The following PLCXD1 variants were observed in gnomAD, a reference collection of about 807,000 sequenced individuals.
PLCXD1 encodes phosphatidylinositol specific phospholipase C X domain containing 1.
PLCXD1 carries 45 observed loss-of-function variants against 37.8 expected under a neutral mutation model. That is an observed-to-expected ratio of 1.19 (90% confidence interval 0.94 to 1.53). The LOEUF (loss-of-function observed/expected upper bound fraction) is 1.53. Among genes scored for constraint, PLCXD1 ranks in the 40% most tolerant of loss-of-function variants. The pLI, the probability that PLCXD1 is intolerant of heterozygous loss-of-function variation, is 0.00. For missense variants in PLCXD1, 539 were observed against 454.7 expected, an observed-to-expected ratio of 1.19 and a Z score of -1.69; for synonymous variants, 246 against 206.9, an observed-to-expected ratio of 1.19 and a Z score of -1.62.
chrX:288,782 G>T lies in PLCXD1; in HGVS notation c.177G>T (p.Ser59=). 1 of 1,613,760 alleles carries T rather than the reference G, an allele frequency of 6.2e-7. No individual in the cohort carries two copies. Among genetic ancestry groups the T allele is most frequent in the Non-Finnish European group, 8.5e-7 (1 of 1,179,680 alleles). Residue 59 remains serine (S), a synonymous_variant, in exon 3 of 7, where the codon TCG becomes TCT. Coordinates refer to ENST00000381657, the MANE Select transcript of PLCXD1 (RefSeq NM_018390.4). ...GCCTGAACAAGAAGTCCCCCATTTC[G>T]CACGAGGAGTCCCGGCTGCTGCAGC... The part of the protein sequence containing the change: ...TYCLNKKSPI[S]HEESRLLQLL...
At chrX:288,708 G>A in intron 2 of PLCXD1, 25 bp from the exon 3 acceptor site, 1 of 1,613,396 alleles carries the variant, frequency 6.2e-7, no homozygotes. Flanking sequence ...GTGGTGACAT[G>A]TCCGCGTGTG....
chrX:285,578 CAT>C (rs1295016432), intron 2 of PLCXD1, among the ~76,000 whole-genome samples: 20 of 152,222 alleles, frequency 1.3e-4, no homozygotes, highest in South Asian at 4.1e-4. Context: ...CACCTATTCA[CAT>C]AGACATACAT....
In PLCXD1 at chrX:290,718, A is replaced by G; in HGVS notation, c.335A>G (p.Glu112Gly). ...GACCTGCGGATAGCCCACATGCTGG[A>G]GGGCTCGGAGAAGAACCTGCACTTT... is the stretch of plus-strand genomic sequence containing the variant. ...YLDLRIAHML[E>G]GSEKNLHFVH... Residue 112 changes from glutamate (E) to glycine (G), a missense_variant, in exon 4 of 7, where the codon GAG (glutamate) becomes GGG (glycine). Coordinates refer to ENST00000381657, the MANE Select transcript of PLCXD1 (RefSeq NM_018390.4). 6.2e-7 allele frequency: 1 copy of G among 1,613,336 alleles called. No individual in the cohort carries two copies. Among genetic ancestry groups the G allele is most frequent in the Non-Finnish European group, 8.5e-7 (1 of 1,179,398 alleles).
intron 2 of PLCXD1, among the ~76,000 whole-genome samples, chrX:284,663 C>A (rs1475628752): frequency 1.3e-5 from 2 of 152,106 alleles, no homozygotes; most frequent in African/African-American, 4.8e-5. Flanking sequence ...CATCTGCACA[C>A]ACACATGCAC....
chrX:279,779 A>AAC (rs2069223864), upstream of PLCXD1, among the ~76,000 whole-genome samples: 1 of 152,002 alleles, frequency 6.6e-6, no homozygotes, highest in Non-Finnish European at 1.5e-5. Flanking sequence ...GTCTCTGAAA[A>AAC]AAAAAAAAAG....
At position 299,121 on chromosome X, in the gene PLCXD1, A is replaced by G. The variant is rs2069910675; in HGVS notation, c.758A>G (p.Asn253Ser). ...RPGGLFVAGI[N>S]LTENLQYVLA... ...GGAGGGTTGTTCGTGGCCGGCATCA[A>G]CCTCACGGAGAACCTGCAGTACGTT... Residue 253 changes from asparagine to serine, a missense_variant, in exon 7 of 7, where the codon AAC becomes AGC. Coordinates refer to ENST00000381657, the MANE Select transcript of PLCXD1 (RefSeq NM_018390.4). 3 of 1,613,700 alleles carry G rather than the reference A, an allele frequency of 1.9e-6. No homozygotes were observed. Among genetic ancestry groups the G allele is most frequent in the South Asian group, 2.2e-5 (2 of 91,070 alleles).
upstream of PLCXD1, among the ~76,000 whole-genome samples, chrX:279,981 T>A (rs1868948062): frequency 6.6e-6 from 1 of 152,066 alleles, no homozygotes; most frequent in Admixed American, 6.5e-5. Flanking sequence ...TCCCAGTAGC[T>A]GGGACTACAG....
At chrX:290,442 AAAAG>A (rs1382785403) in intron 3 of PLCXD1, among the ~76,000 whole-genome samples, 4 of 151,760 alleles carry the variant, frequency 2.6e-5, no homozygotes, top group African/African-American at 9.7e-5. Flanking sequence ...AAAAAAAAAA[AAAAG>A]GCCAGGTCCC....
chrX:285,907 C>T (rs944359645), intron 2 of PLCXD1, among the ~76,000 whole-genome samples: 25 of 152,058 alleles, frequency 1.6e-4, no homozygotes, highest in Admixed American at 1.2e-3. Context: ...AACGTCGAGA[C>T]GGGAGCTTCT....
In PLCXD1 at chrX:299,626, A is replaced by G; in HGVS notation, c.*291A>G. ...TACAAAACTTAGCTGGGTGTGTGGC[A>G]GGCGCCTGTAGTCCCAGTTACTCGG... On this transcript the variant is annotated 3_prime_UTR_variant, in exon 7 of 7. Coordinates refer to ENST00000381657, the MANE Select transcript of PLCXD1 (RefSeq NM_018390.4). 1.9e-6 allele frequency: 1 copy of G among 516,412 alleles called. No homozygotes were observed. The highest frequency in any genetic ancestry group is 2.3e-5 in the South Asian group (1 of 43,574). 32.0% of individuals were successfully genotyped at this position (516,412 alleles called of 1,614,324 possible).
In PLCXD1 at chrX:285,364, A is replaced by ACG. The variant is rs1460404564; in HGVS notation, c.127+1050_127+1051insCG. Among the ~76,000 whole-genome samples the ACG allele has an allele frequency of 1.5e-4, 23 of 148,668 alleles. 1 individual carries two copies. Among genetic ancestry groups the ACG allele is most frequent in the African/African-American group, 6.0e-4 (23 of 38,510 alleles). ...TGCACACGTGTACACATGTACACACATGCACACATGTATATATATATTTGC... is the reference window on the plus strand; with the variant it reads ...TGCACACGTGTACACATGTACACACACGTGCACACATGTATATATATATTTGC... On this transcript the variant is annotated intron_variant, in intron 2 of 6. Coordinates refer to ENST00000381657, the MANE Select transcript of PLCXD1 (RefSeq NM_018390.4).
intron 4 of PLCXD1, 83 bp from the exon 5 acceptor site, chrX:291,416 G>T (rs982604425): frequency 3.7e-5 from 56 of 1,519,254 alleles, no homozygotes; most frequent in Non-Finnish European, 4.7e-5. Context: ...AAATTGCTGG[G>T]ATGACAGGCG....
At chrX:279,986 C>T (rs1356711320), upstream of PLCXD1, among the ~76,000 whole-genome samples, 1 of 152,052 alleles carries the variant, frequency 6.6e-6, no homozygotes, top group Non-Finnish European at 1.5e-5. Context: ...GTAGCTGGGA[C>T]TACAGGCGCG....
At chrX:294,081 G>C (rs757658646) in intron 6 of PLCXD1, among the ~76,000 whole-genome samples, 10 of 151,276 alleles carry the variant, frequency 6.6e-5, no homozygotes, top group Admixed American at 1.3e-4. Flanking sequence ...TCACACCTGT[G>C]ATCACAGCAC....
In PLCXD1 at chrX:299,905, C is replaced by T. The variant is rs68119855; in HGVS notation, c.*570C>T. ...CCCGTCTCTATTAAAAACACAAAAA[C>T]TACCTGGGTGCGTGATGGGCACCTG... is the stretch of plus-strand genomic sequence containing the variant. On this transcript the variant is annotated 3_prime_UTR_variant, in exon 7 of 7. Coordinates refer to ENST00000381657, the MANE Select transcript of PLCXD1 (RefSeq NM_018390.4). 80,987 of 153,430 alleles carry T rather than the reference C, an allele frequency of 0.53. 21,525 individuals carry two copies. Among genetic ancestry groups the T allele is most frequent in the Middle Eastern group, 0.64 (183 of 284 alleles). The allele number at this position is 153,430 out of a possible 1,614,324, so 9.5% of individuals were successfully genotyped here.
upstream of PLCXD1, among the ~76,000 whole-genome samples, chrX:276,863 C>T (rs1602807845): frequency 6.6e-6 from 1 of 152,156 alleles, no homozygotes; most frequent in African/African-American, 2.4e-5. Context: ...CAACCATTCA[C>T]CCCGTGCGTT....
At chrX:279,118 C>T (rs189129677), upstream of PLCXD1, among the ~76,000 whole-genome samples, 23 of 152,228 alleles carry the variant, frequency 1.5e-4, no homozygotes, top group Admixed American at 9.8e-4. Flanking sequence ...TTGCAAGGTG[C>T]GTGGTGCACA....
At chrX:295,451 C>T (rs1423573077) in intron 6 of PLCXD1, among the ~76,000 whole-genome samples, 7 of 152,074 alleles carry the variant, frequency 4.6e-5, no homozygotes, top group East Asian at 1.9e-4. Flanking sequence ...AGTCACGGGC[C>T]GGGCAAAGGA....
At chrX:296,376 A>T (rs1024390722) in intron 6 of PLCXD1, among the ~76,000 whole-genome samples, 4 of 150,396 alleles carry the variant, frequency 2.7e-5, no homozygotes, top group Non-Finnish European at 5.9e-5. Flanking sequence ...ACCGGCCTCA[A>T]CCTCTCAACG....
Sources: gnomAD v4.1 joint callset for allele counts (sites outside exome capture counted in the v4.1 genomes callset) on GRCh38, gnomAD v4.1.1 for gene constraint, MANE v1.5 for transcripts, NCBI Gene and HGNC (gene_info 2026-07-23, HGNC 2026-07-21) for gene names.